The following SSPN variants were observed in gnomAD, a reference collection of about 807,000 sequenced individuals.
SSPN encodes the protein sarcospan.
A neutral mutation model predicts 19.1 loss-of-function variants in SSPN; 15 were observed. The ratio of observed to expected loss-of-function variants is 0.78; its 90% CI spans 0.52 to 1.21. The LOEUF (loss-of-function observed/expected upper bound fraction) is 1.21. Among genes scored for constraint, SSPN ranks in the 50% most tolerant of loss-of-function variants. The probability of loss-of-function intolerance (pLI) is 0.00; values close to 1 mark genes in which losing one functional copy is unlikely to be tolerated. For synonymous variants in SSPN, 147 were observed against 140.3 expected (o/e 1.05, Z -0.34); for missense variants, 291 against 314.0 (o/e 0.93, Z 0.55).
intron 1 of SSPN, among the ~76,000 whole-genome samples, chr12:26,204,760 G>C (rs1260384226): frequency 6.6e-6 from 1 of 152,110 alleles, no homozygotes; most frequent in South Asian, 2.1e-4. Context: ...GTCCTGAGCT[G>C]GGCTCTGCTT....
At chr12:26,196,100 A>G in intron 1 of SSPN, 149 bp downstream of exon 1, 1 of 706,614 alleles carries the variant, frequency 1.4e-6, no homozygotes, top group Admixed American at 4.2e-5. Flanking sequence ...TGCGTGGGGC[A>G]CTGGGTTTTC....
At chr12:26,172,947 A>C (rs1355730465) in intron 1 of SSPN, among the ~76,000 whole-genome samples, 1 of 152,086 alleles carries the variant, frequency 6.6e-6, no homozygotes, top group African/African-American at 2.4e-5. Flanking sequence ...TATAGATACA[A>C]TATCTTTATC....
rs781741883 is a variant in SSPN at position 26,231,074 on chromosome 12, T to G, written c.730T>G (p.Ter244GluextTer32). The change falls in exon 3 of 3, where the codon TAA (stop) becomes GAA (glutamate). Residue 244 changes from the stop codon to glutamate (E), a stop_lost. Coordinates refer to ENST00000242729, the MANE Select transcript of SSPN (RefSeq NM_005086.5). ...TTCCGAAGGCCCCCAGCAAAAGATC[T>G]AACATTCTTGCTCAAAGTTGCGAGA... ...TASEGPQQKI[*>E] The G allele has an allele frequency of 1.9e-6, 3 of 1,609,360 alleles. No individual in the cohort carries two copies. The highest frequency in any genetic ancestry group is 2.2e-5 in the South Asian group (2 of 90,766).
At chr12:26,133,373 C>G (rs1440201561) in intron 1 of SSPN, among the ~76,000 whole-genome samples, 1 of 152,172 alleles carries the variant, frequency 6.6e-6, no homozygotes, top group Non-Finnish European at 1.5e-5. Flanking sequence ...GTAACTCCAT[C>G]CCCCTTTCAT....
upstream of SSPN, among the ~76,000 whole-genome samples, chr12:26,191,052 A>T (rs1267328237): frequency 6.6e-6 from 1 of 152,200 alleles, no homozygotes; most frequent in Non-Finnish European, 1.5e-5. Flanking sequence ...GCACACTGTT[A>T]ATGAGATTTA....
chr12:26,147,266 G>A (rs548483736), intron 1 of SSPN, among the ~76,000 whole-genome samples: 1 of 128,448 alleles, frequency 7.8e-6, no homozygotes, highest in Non-Finnish European at 1.6e-5. Context: ...TAATTTTTGG[G>A]GTTTTTTTTG....
chr12:26,146,083 G>A lies in SSPN; in HGVS notation c.-31+23931G>A, dbSNP rs117502418. ...TAAATGACAACAGTGGTGCTGTACC[G>A]TAAATCCAGAGAAGCAATTGCCACC... On this transcript the variant is annotated intron_variant, in intron 1 of 2. Coordinates refer to the SSPN transcript ENST00000538142. 5.4e-4 allele frequency among the ~76,000 whole-genome samples: 82 copies of A among 152,292 alleles called. No individual in the cohort carries two copies. The East Asian group carries it at 0.014, about 25-fold the overall frequency.
At chr12:26,206,174 C>T (rs948703426) in intron 1 of SSPN, among the ~76,000 whole-genome samples, 2 of 152,106 alleles carry the variant, frequency 1.3e-5, no homozygotes, top group Non-Finnish European at 1.5e-5. Flanking sequence ...CTGGCTAACC[C>T]GTGTTGCCAT....
intron 1 of SSPN, among the ~76,000 whole-genome samples, chr12:26,138,529 G>C (rs2620700): frequency 6.6e-6 from 1 of 152,204 alleles, no homozygotes; most frequent in South Asian, 2.1e-4. Flanking sequence ...AGTGCTAGCC[G>C]CATGTGGTTA....
chr12:26,146,323 C>CTGATTTCT (rs1313614397), intron 1 of SSPN, among the ~76,000 whole-genome samples: 27 of 152,174 alleles, frequency 1.8e-4, no homozygotes, highest in Non-Finnish European at 4.0e-4. Flanking sequence ...TGTTCTTAAG[C>CTGATTTCT]TGATTTCTTG....
Position 26,195,920 on chromosome 12 carries a change from T to G in SSPN, c.248T>G (p.Val83Gly). Residue 83 changes from valine to glycine, a missense_variant, in exon 1 of 3, where the codon GTC (valine) becomes GGC (glycine). By Grantham distance (109) the Val-to-Gly change is moderately radical. Transcript: ENST00000242729. Reference protein sequence around the residue: ...LMASISSSLLVRDTPFWAGII... With the variant: ...LMASISSSLLGRDTPFWAGII... Reference sequence around the variant, plus strand: ...GCGAGCATCAGCTCCTCCCTGCTAGTCAGGGACACTCCATTTTGGGCTGGG... The same window carrying G: ...GCGAGCATCAGCTCCTCCCTGCTAGGCAGGGACACTCCATTTTGGGCTGGG... The G allele has an allele frequency of 6.4e-7, 1 of 1,555,962 alleles. No homozygotes were observed. The highest frequency in any genetic ancestry group is 8.7e-7 in the Non-Finnish European group (1 of 1,154,598).
chr12:26,135,894 T>C (rs1944422438), intron 1 of SSPN, among the ~76,000 whole-genome samples: 1 of 152,188 alleles, frequency 6.6e-6, no homozygotes, highest in Admixed American at 6.5e-5. Flanking sequence ...TTTCCTAGGC[T>C]TTTTATTCTG....
chr12:26,122,282 CGCGGCGGCGGCGGCGGCAGCG>C (rs942589828), intron 1 of SSPN: 62 of 1,202,268 alleles, frequency 5.2e-5, no homozygotes, highest in Admixed American at 9.0e-5. Flanking sequence ...GGCAGGGGAA[CGCGGCGGCGGCGGCGGCAGCG>C]GCGGCGGCGG....
chr12:26,166,012 T>C (rs557550815), intron 1 of SSPN, among the ~76,000 whole-genome samples: 1 of 152,190 alleles, frequency 6.6e-6, no homozygotes, highest in Non-Finnish European at 1.5e-5. Context: ...CTAAACTGAT[T>C]TTAAGAATAT....
chr12:26,218,748 C>A (rs1242622494), intron 1 of SSPN, among the ~76,000 whole-genome samples: 2 of 152,166 alleles, frequency 1.3e-5, no homozygotes, highest in African/African-American at 4.8e-5. Context: ...TGTTGCATGT[C>A]ATTTAATTTT....
chr12:26,184,477 G>A (rs1944739555), intron 1 of SSPN, among the ~76,000 whole-genome samples: 1 of 152,206 alleles, frequency 6.6e-6, no homozygotes, highest in Non-Finnish European at 1.5e-5. Context: ...TCAATAGTTA[G>A]GAAAATCTTC....
At chr12:26,186,153 A>G (rs1944752291) in intron 1 of SSPN, among the ~76,000 whole-genome samples, 1 of 152,128 alleles carries the variant, frequency 6.6e-6, no homozygotes, top group South Asian at 2.1e-4. Context: ...GCAGGTTTTT[A>G]GAGGACTTAA....
At chr12:26,213,128 A>AT (rs3082339) in intron 1 of SSPN, among the ~76,000 whole-genome samples, 1,857 of 151,328 alleles carry the variant, frequency 0.012, 36 homozygotes, top group African/African-American at 0.042. Context: ...ATTGAAAAGC[A>AT]TTTTTTTTTC....
rs117589238 is a variant in SSPN, at chr12:26,138,027, C to T, written c.-31+15875C>T. 4.5e-4 allele frequency among the ~76,000 whole-genome samples: 69 copies of T among 152,054 alleles called. No individual in the cohort carries two copies. The East Asian group carries it at 0.012, about 26-fold the overall frequency. On this transcript the variant is annotated intron_variant, in intron 1 of 2. Coordinates refer to the SSPN transcript ENST00000538142. ...CACAGGGGACTGGTTCCAGGACCTC[C>T]CCCGACCCCATGATACTAAAATCTG...
Sources: allele counts gnomAD v4.1 joint callset (sites outside exome capture counted in the v4.1 genomes callset), GRCh38; gene constraint gnomAD v4.1.1; transcripts MANE v1.5; gene names NCBI Gene and HGNC (gene_info 2026-07-23, HGNC 2026-07-21).